PRKAR2B: variants seen among roughly 807,000 people sequenced by gnomAD.
PRKAR2B encodes the protein cAMP-dependent protein kinase type II-beta regulatory subunit.
In PRKAR2B, 14 loss-of-function variants were observed where a neutral mutation model predicts 49.9. The observed-to-expected ratio is 0.28, with a 90% CI of 0.19 to 0.44. The LOEUF is 0.44. PRKAR2B is among the 20% of genes least tolerant of loss of function. The pLI is 1.00. For synonymous variants in PRKAR2B, 196 were observed against 197.7 expected, an observed-to-expected ratio of 0.99 and a Z score of 0.07; for missense variants, 393 against 537.9, an observed-to-expected ratio of 0.73 and a Z score of 2.67.
intron 8 of PRKAR2B, among the ~76,000 whole-genome samples, chr7:107,155,203 AC>A (rs1796059235): frequency 6.6e-6 from 1 of 151,976 alleles, no homozygotes; most frequent in Non-Finnish European, 1.5e-5. Context: ...TGAAATTCTT[AC>A]CCCAGTGTTG....
At chr7:107,128,627 C>G (rs1795542323) in intron 4 of PRKAR2B, among the ~76,000 whole-genome samples, 1 of 152,112 alleles carries the variant, frequency 6.6e-6, no homozygotes, top group Non-Finnish European at 1.5e-5. Context: ...TAGGAACTTG[C>G]CCTCTTCGTA....
chr7:107,135,116 C>T (rs1795675202), intron 4 of PRKAR2B, among the ~76,000 whole-genome samples: 2 of 151,728 alleles, frequency 1.3e-5, no homozygotes, highest in Non-Finnish European at 2.9e-5. Flanking sequence ...AATAACACAA[C>T]TCAACAATAA....
chr7:107,074,179 G>A (rs2116777949), intron 2 of PRKAR2B, among the ~76,000 whole-genome samples: 1 of 152,164 alleles, frequency 6.6e-6, no homozygotes, highest in African/African-American at 2.4e-5. Context: ...GCAGTGGCAC[G>A]ATCTTGGCTC....
intron 2 of PRKAR2B, among the ~76,000 whole-genome samples, chr7:107,077,041 A>G (rs1002977577): frequency 2.6e-5 from 4 of 152,184 alleles, no homozygotes; most frequent in African/African-American, 9.7e-5. Context: ...CTTTAAGGTT[A>G]TTTGACGATA....
intron 2 of PRKAR2B, among the ~76,000 whole-genome samples, chr7:107,101,135 A>ATTTTTTTTTTTTTTTTTTTTTTT (rs950761298): frequency 3.2e-5 from 3 of 94,690 alleles, no homozygotes; most frequent in African/African-American, 8.4e-5. Context: ...GTTGTTGCTT[A>ATTTTTTTTTTTTTTTTTTTTTTT]TTTTTTTTTT....
At chr7:107,050,065 G>A (rs1290765098) in intron 1 of PRKAR2B, among the ~76,000 whole-genome samples, 1 of 152,024 alleles carries the variant, frequency 6.6e-6, no homozygotes, top group African/African-American at 2.4e-5. Flanking sequence ...GTTGAAATTG[G>A]GAAACCAAAA....
intron 2 of PRKAR2B, among the ~76,000 whole-genome samples, chr7:107,073,131 A>G (rs955425568): frequency 6.6e-6 from 1 of 152,200 alleles, no homozygotes; most frequent in Non-Finnish European, 1.5e-5. Context: ...TTGGCTTTTG[A>G]TATTCATACT....
rs754413619 is a variant in PRKAR2B, at chr7:107,146,373, G to A, written c.653G>A (p.Arg218His). The change falls in exon 6 of 11, where the codon CGT (arginine) becomes CAT (histidine). Residue 218 changes from arginine to histidine, a missense_variant. Arg to His is a conservative substitution (Grantham distance 29). This residue lies in a region of PRKAR2B where 233 missense variants were observed against 390.4 expected (regional missense o/e 0.60). Transcript: ENST00000265717. ...AGATGTGTTGGTAACTATGATAATC[G>A]TGGGAGTTTCGGCGAACTGGCCTTA... is the stretch of plus-strand genomic sequence containing the variant. ...VGRCVGNYDN[R>H]GSFGELALMY... The A allele has an allele frequency of 4.3e-6, 7 of 1,614,002 alleles. No individual in the cohort carries two copies. Among genetic ancestry groups the A allele is most frequent in the Middle Eastern group, 1.6e-4 (1 of 6,084 alleles).
At chr7:107,146,245 A>G in intron 5 of PRKAR2B, 63 bp from the exon 6 acceptor site, 6 of 1,515,918 alleles carry the variant, frequency 4.0e-6, no homozygotes, top group South Asian at 1.3e-5. Context: ...TCTTTTCTGA[A>G]ATAATGTTTT....
chr7:107,087,044 T>A (rs1418952854), intron 2 of PRKAR2B, among the ~76,000 whole-genome samples: 1 of 152,180 alleles, frequency 6.6e-6, no homozygotes, highest in African/African-American at 2.4e-5. Context: ...TTTTCACACA[T>A]AGGAAAATGT....
rs80241816 is a variant in PRKAR2B, at chr7:107,100,946, T to C, written c.344-21006T>C. ...CATATTTATAATAGCTGCCTTGAAA[T>C]TGAAATCTTTGCTAAGTCTAACAAC... On this transcript the variant is annotated intron_variant, in intron 2 of 10. Coordinates refer to ENST00000265717, the MANE Select transcript of PRKAR2B (RefSeq NM_002736.3). 3.6e-3 allele frequency among the ~76,000 whole-genome samples: 548 copies of C among 150,184 alleles called. 4 individuals are homozygous for C. Among genetic ancestry groups the C allele is most frequent in the African/African-American group, 0.013 (520 of 41,076 alleles).
intron 2 of PRKAR2B, among the ~76,000 whole-genome samples, chr7:107,111,508 C>T (rs927121720): frequency 1.3e-5 from 2 of 152,196 alleles, no homozygotes; most frequent in African/African-American, 4.8e-5. Context: ...GTGGTCACAT[C>T]TCCAGGCAGC....
chr7:107,125,026 A>T (rs941214356), intron 3 of PRKAR2B, among the ~76,000 whole-genome samples: 2 of 152,154 alleles, frequency 1.3e-5, no homozygotes, highest in African/African-American at 4.8e-5. Flanking sequence ...ATGACGCTTG[A>T]ATTTGAATTT....
At chr7:107,127,983 A>G (rs1422080543) in intron 3 of PRKAR2B, among the ~76,000 whole-genome samples, 2 of 152,210 alleles carry the variant, frequency 1.3e-5, no homozygotes, top group African/African-American at 4.8e-5. Flanking sequence ...TGCTATATTG[A>G]TGAATGGATA....
At chr7:107,054,120 C>T (rs189749491) in intron 1 of PRKAR2B, among the ~76,000 whole-genome samples, 29 of 152,128 alleles carry the variant, frequency 1.9e-4, no homozygotes, top group Admixed American at 1.2e-3. Flanking sequence ...GAGGCCGAGG[C>T]GGGCGAATCA....
chr7:107,124,516 C>T (rs1005218139), intron 3 of PRKAR2B, among the ~76,000 whole-genome samples: 17 of 152,314 alleles, frequency 1.1e-4, no homozygotes, highest in Non-Finnish European at 2.4e-4. Flanking sequence ...GCCTCTGGGT[C>T]AAGTGATTCT....
chr7:107,083,794 G>C (rs1163857116), intron 2 of PRKAR2B, among the ~76,000 whole-genome samples: 3 of 152,000 alleles, frequency 2.0e-5, no homozygotes. Flanking sequence ...TGTATATTTA[G>C]TGGAAATGGA....
intron 2 of PRKAR2B, among the ~76,000 whole-genome samples, chr7:107,076,507 C>T (rs1794400414): frequency 6.6e-6 from 1 of 152,118 alleles, no homozygotes; most frequent in Non-Finnish European, 1.5e-5. Context: ...GCCTGTTATG[C>T]ATTCATAGAT....
chr7:107,111,517 G>GA (rs1300287974), intron 2 of PRKAR2B, among the ~76,000 whole-genome samples: 1 of 152,194 alleles, frequency 6.6e-6, no homozygotes, highest in Non-Finnish European at 1.5e-5. Context: ...TCTCCAGGCA[G>GA]CTCAAAACAC....
Sources: gnomAD v4.1 joint callset for allele counts (sites outside exome capture counted in the v4.1 genomes callset) on GRCh38, gnomAD v4.1.1 for gene constraint, gnomAD v4.1.1 regional missense constraint, MANE v1.5 for transcripts, NCBI Gene and HGNC (gene_info 2026-07-23, HGNC 2026-07-21) for gene names.